The following RALYL variants were observed in gnomAD, a reference collection of about 807,000 sequenced individuals.
RALYL encodes the protein RALY RNA binding protein like, also known as RNA-binding Raly-like protein.
RALYL carries 29 observed loss-of-function variants against 35.1 expected under a neutral mutation model. That is an observed-to-expected ratio of 0.83 (90% CI 0.61 to 1.13). RALYL has a LOEUF of 1.13. Ranked by LOEUF, RALYL falls within the 50% of genes most tolerant of loss-of-function variation. The pLI, the probability that RALYL is intolerant of heterozygous loss-of-function variation, is 0.00. For missense variants in RALYL, 359 were observed against 360.4 expected (o/e 1.00, Z 0.03); for synonymous variants, 120 against 127.6 (o/e 0.94, Z 0.40).
intron 1 of RALYL, among the ~76,000 whole-genome samples, chr8:84,340,560 T>C (rs1298548937): frequency 1.3e-5 from 2 of 152,142 alleles, no homozygotes; most frequent in Non-Finnish European, 2.9e-5. Context: ...CTGACTTATT[T>C]TACTTGGCAT....
At chr8:84,606,030 C>G (rs2130811443) in intron 2 of RALYL, among the ~76,000 whole-genome samples, 1 of 152,250 alleles carries the variant, frequency 6.6e-6, no homozygotes, top group East Asian at 1.9e-4. Context: ...GGGCCCCATC[C>G]TAACTCCTCC....
intron 2 of RALYL, among the ~76,000 whole-genome samples, chr8:84,714,729 G>A (rs1213421653): frequency 1.3e-5 from 2 of 151,806 alleles, no homozygotes; most frequent in South Asian, 4.1e-4. Flanking sequence ...TGAGCAATAT[G>A]AAATCACCAG....
At chr8:84,223,209 C>CTCCCTTCCCTTCCCTTCTCTTCCCT (rs1554578634) in intron 1 of RALYL, among the ~76,000 whole-genome samples, 2 of 88,874 alleles carry the variant, frequency 2.3e-5, no homozygotes, top group African/African-American at 1.1e-4. Flanking sequence ...CCTTCCATTC[C>CTCCCTTCCCTTCCCTTCTCTTCCCT]TCCCTTCCCT....
chr8:84,737,628 A>G (rs531234366), intron 2 of RALYL, among the ~76,000 whole-genome samples: 2 of 152,196 alleles, frequency 1.3e-5, no homozygotes, highest in Non-Finnish European at 1.5e-5. Flanking sequence ...TATTGATTGT[A>G]TGTCTGTCAC....
chr8:84,555,133 G>T (rs1356621960), intron 2 of RALYL, among the ~76,000 whole-genome samples: 1 of 152,106 alleles, frequency 6.6e-6, no homozygotes, highest in African/African-American at 2.4e-5. Flanking sequence ...ACAAAAATTA[G>T]CCGGGCGTGG....
intron 2 of RALYL, among the ~76,000 whole-genome samples, chr8:84,703,938 A>G (rs769404612): frequency 1.1e-4 from 16 of 152,164 alleles, no homozygotes; most frequent in Non-Finnish European, 2.2e-4. Flanking sequence ...TTTCATCAAA[A>G]TCTATATACT....
At chr8:84,370,971 C>T (rs1855558851) in intron 1 of RALYL, among the ~76,000 whole-genome samples, 1 of 151,892 alleles carries the variant, frequency 6.6e-6, no homozygotes, top group Admixed American at 6.6e-5. Flanking sequence ...TTACCCATCT[C>T]TGGGTAAAAA....
At chr8:84,577,162 T>C (rs751186287) in intron 2 of RALYL, among the ~76,000 whole-genome samples, 1 of 152,250 alleles carries the variant, frequency 6.6e-6, no homozygotes, top group Non-Finnish European at 1.5e-5. Flanking sequence ...CAGTTGCGTT[T>C]GGCGTAATTA....
At chr8:84,415,207 T>TG (rs2044539314) in intron 1 of RALYL, among the ~76,000 whole-genome samples, 1 of 89,742 alleles carries the variant, frequency 1.1e-5, no homozygotes, top group Admixed American at 1.1e-4. Context: ...AGACACTCGT[T>TG]TTTTTTTTTT....
intron 2 of RALYL, among the ~76,000 whole-genome samples, chr8:84,765,980 A>AAAG (rs1232694884): frequency 6.6e-6 from 1 of 152,192 alleles, no homozygotes; most frequent in Non-Finnish European, 1.5e-5. Context: ...TTTCCATATC[A>AAAG]AAGTTAAATA....
chr8:84,752,925 C>G (rs1392560340), intron 2 of RALYL, among the ~76,000 whole-genome samples: 3 of 152,148 alleles, frequency 2.0e-5, no homozygotes, highest in Non-Finnish European at 4.4e-5. Flanking sequence ...GGCAATAAGT[C>G]CCCACTAAAG....
intron 3 of RALYL, among the ~76,000 whole-genome samples, chr8:84,803,498 G>C (rs1823856473): frequency 6.6e-6 from 1 of 152,168 alleles, no homozygotes; most frequent in Admixed American, 6.5e-5. Flanking sequence ...TGTACCTACA[G>C]TTAGAGATGT....
intron 2 of RALYL, among the ~76,000 whole-genome samples, chr8:84,573,141 C>G (rs1256759180): frequency 6.6e-6 from 1 of 150,636 alleles, no homozygotes; most frequent in Non-Finnish European, 1.5e-5. Context: ...TACTTTATCC[C>G]TTGTCTTTTA....
Position 84,641,355 on chromosome 8 carries a change from G to T in RALYL, c.256+111778G>T, listed in dbSNP as rs556825544. On this transcript the variant is annotated intron_variant, in intron 2 of 8. Transcript: ENST00000521268. ...TTCAATTTTAGTAAAAATTTAGGGG[G>T]TAAGAAATCCTGAACTATTTGTCAG... 3.3e-5 allele frequency among the ~76,000 whole-genome samples: 5 copies of T among 151,628 alleles called. No homozygotes were observed. In the South Asian group the frequency reaches 1.0e-3, roughly 32 times the overall value.
In RALYL at chr8:84,850,107, CTTAA is replaced by C. The variant is rs1835527533; in HGVS notation, c.413+84_413+87del. 6.3e-5 allele frequency: 43 copies of C among 679,986 alleles called. No individual in the cohort carries two copies. The South Asian group carries it at 8.2e-4, about 13-fold the overall frequency. The allele number at this position is 679,986 out of a possible 1,614,324, so 42.1% of individuals were successfully genotyped here. A position where few individuals can be genotyped will look rare whatever the true frequency, so the allele number is the denominator to read the frequency against. ...TTTGTACATTTTATTCATGGGTGCT[CTTAA>C]TTATGGTATTTAAAACAATATTATT... On this transcript the variant is annotated intron_variant, in intron 5 of 8. Transcript: ENST00000521268.
At chr8:84,344,434 G>C (rs1011268685) in intron 1 of RALYL, among the ~76,000 whole-genome samples, 2 of 152,034 alleles carry the variant, frequency 1.3e-5, no homozygotes, top group Non-Finnish European at 2.9e-5. Context: ...AAATGAGTCT[G>C]TTGGGGAAGG....
intron 2 of RALYL, among the ~76,000 whole-genome samples, chr8:84,589,318 T>A (rs1202227207): frequency 2.6e-5 from 4 of 152,156 alleles, no homozygotes; most frequent in Admixed American, 1.3e-4. Flanking sequence ...AAATGTAGCT[T>A]TTTTCTTACT....
At chr8:84,690,841 T>A (rs963825384) in intron 2 of RALYL, among the ~76,000 whole-genome samples, 1 of 152,016 alleles carries the variant, frequency 6.6e-6, no homozygotes, top group Non-Finnish European at 1.5e-5. Flanking sequence ...TAAAGCTGGA[T>A]TATGAGGACC....
chr8:84,195,335 G>T (rs1330505631), intron 1 of RALYL, among the ~76,000 whole-genome samples: 1 of 152,084 alleles, frequency 6.6e-6, no homozygotes, highest in Non-Finnish European at 1.5e-5. Context: ...AGCTACTCAG[G>T]AGGCTAAGGA....
Sources: allele counts gnomAD v4.1 joint callset (sites outside exome capture counted in the v4.1 genomes callset), GRCh38; gene constraint gnomAD v4.1.1; transcripts MANE v1.5; gene names NCBI Gene and HGNC (gene_info 2026-07-23, HGNC 2026-07-21).